Variants in GRIA1 observed in about 807,000 individuals in gnomAD.
GRIA1 encodes the protein glutamate receptor 1.
In GRIA1, 31 loss-of-function variants were observed where a neutral mutation model predicts 99.2. The observed-to-expected ratio is 0.31, with a 90% CI of 0.23 to 0.42. GRIA1 has a LOEUF of 0.42. Ranked by LOEUF, GRIA1 falls within the 10% of genes least tolerant of loss-of-function variation. The pLI, the probability that GRIA1 is intolerant of heterozygous loss-of-function variation, is 1.00. For missense variants in GRIA1, 782 were observed against 1,157.5 expected (o/e 0.68, Z 4.71); for synonymous variants, 438 against 432.4 (o/e 1.01, Z -0.16).
At chr5:153,545,937 T>C (rs1759577874) in intron 2 of GRIA1, among the ~76,000 whole-genome samples, 1 of 152,214 alleles carries the variant, frequency 6.6e-6, no homozygotes, top group Non-Finnish European at 1.5e-5. Context: ...AAATATGTCC[T>C]CATCAGTGTC....
chr5:153,602,584 T>C (rs1402645105), intron 2 of GRIA1, among the ~76,000 whole-genome samples: 1 of 152,200 alleles, frequency 6.6e-6, no homozygotes, highest in Non-Finnish European at 1.5e-5. Context: ...TAGCTTGAAT[T>C]GCTCTTAGAC....
At chr5:153,567,168 T>C (rs1403396492) in intron 2 of GRIA1, among the ~76,000 whole-genome samples, 1 of 152,254 alleles carries the variant, frequency 6.6e-6, no homozygotes, top group East Asian at 1.9e-4. Flanking sequence ...CATTCATTTA[T>C]GCCTTGAGTG....
At position 153,560,949 on chromosome 5, in the gene GRIA1, A is replaced by G. The variant is rs564787106; in HGVS notation, c.220+66884A>G. Reference sequence around the variant, plus strand: ...CTTCAGGCTGAACCTTTCTTAGCAAAGTGAGAAGGGTAGATCTGAGACAAA... The same window carrying G: ...CTTCAGGCTGAACCTTTCTTAGCAAGGTGAGAAGGGTAGATCTGAGACAAA... On this transcript the variant is annotated intron_variant, in intron 2 of 15. Transcript: ENST00000285900. 1.1e-4 allele frequency among the ~76,000 whole-genome samples: 16 copies of G among 152,336 alleles called. No homozygotes were observed. In the South Asian group the frequency reaches 3.3e-3, roughly 32 times the overall value.
intron 2 of GRIA1, among the ~76,000 whole-genome samples, chr5:153,554,422 C>G (rs6580023): frequency 0.47 from 70,985 of 152,078 alleles, 18,310 homozygotes; most frequent in Non-Finnish European, 0.59. Flanking sequence ...TGACTGTCCA[C>G]GTCCCACTCC....
intron 15 of GRIA1, among the ~76,000 whole-genome samples, chr5:153,805,464 C>T (rs569611129): frequency 9.9e-5 from 15 of 152,210 alleles, no homozygotes; most frequent in Admixed American, 5.2e-4. Flanking sequence ...CAAGTATTGC[C>T]GTCAAAACCA....
chr5:153,770,088 A>T, intron 12 of GRIA1, 80 bp from the exon 13 acceptor site: 1 of 1,395,792 alleles, frequency 7.2e-7, no homozygotes, highest in Non-Finnish European at 1.0e-6. Context: ...TGATCAAGCT[A>T]CACTCAGCTC....
intron 11 of GRIA1, among the ~76,000 whole-genome samples, chr5:153,757,724 G>A (rs1762924119): frequency 6.6e-6 from 1 of 152,112 alleles, no homozygotes. Flanking sequence ...CAGAATTGAA[G>A]GAGACATAAA....
intron 2 of GRIA1, among the ~76,000 whole-genome samples, chr5:153,535,894 C>A (rs1758522874): frequency 6.6e-6 from 1 of 152,248 alleles, no homozygotes; most frequent in South Asian, 2.1e-4. Flanking sequence ...TCCCTCTAAT[C>A]TGTCACGCTG....
chr5:153,785,378 A>T (rs1463179138), intron 13 of GRIA1, among the ~76,000 whole-genome samples: 1 of 152,196 alleles, frequency 6.6e-6, no homozygotes, highest in Admixed American at 6.5e-5. Context: ...CTAGAATCCT[A>T]GTGGTTCCCA....
At chr5:153,724,531 C>G (rs1462773943) in intron 11 of GRIA1, among the ~76,000 whole-genome samples, 8 of 152,124 alleles carry the variant, frequency 5.3e-5, no homozygotes. Flanking sequence ...ACTAGAATAA[C>G]CAATACAGAG....
chr5:153,616,031 A>G (rs1346789778), intron 2 of GRIA1, among the ~76,000 whole-genome samples: 1 of 152,156 alleles, frequency 6.6e-6, no homozygotes, highest in Non-Finnish European at 1.5e-5. Flanking sequence ...CAATGAAAGC[A>G]ACATTACCCA....
intron 2 of GRIA1, among the ~76,000 whole-genome samples, chr5:153,508,276 G>A (rs962308959): frequency 2.0e-5 from 3 of 152,174 alleles, no homozygotes; most frequent in African/African-American, 7.2e-5. Context: ...TGTCTAATAT[G>A]TAGGCACTAG....
At chr5:153,610,998 C>T (rs1581326408) in intron 2 of GRIA1, among the ~76,000 whole-genome samples, 1 of 152,086 alleles carries the variant, frequency 6.6e-6, no homozygotes, top group East Asian at 1.9e-4. Flanking sequence ...ACAGGCTGTC[C>T]AACTTTCTTA....
chr5:153,534,850 A>T (rs190061360), intron 2 of GRIA1, among the ~76,000 whole-genome samples: 40 of 152,350 alleles, frequency 2.6e-4, no homozygotes, highest in Admixed American at 2.4e-3. Flanking sequence ...AGAAAAGGGC[A>T]TATTTGAAAA....
Position 153,722,688 on chromosome 5 carries a change from C to G in GRIA1, c.1823+16621C>G, listed in dbSNP as rs143140370. 3.7e-3 allele frequency among the ~76,000 whole-genome samples: 557 copies of G among 152,216 alleles called. 4 individuals are homozygous for G. Among genetic ancestry groups the G allele is most frequent in the African/African-American group, 0.013 (536 of 41,530 alleles). On this transcript the variant is annotated intron_variant, in intron 11 of 15. Coordinates refer to ENST00000285900, the MANE Select transcript of GRIA1 (RefSeq NM_000827.4). Reference sequence around the variant, plus strand: ...TTGTCTGTCTTTGCCAGGGTATTACCTTATCTTAACTACTTAAGCTTTATA... The same window carrying G: ...TTGTCTGTCTTTGCCAGGGTATTACGTTATCTTAACTACTTAAGCTTTATA...
At chr5:153,694,356 G>A (rs149842450) in intron 8 of GRIA1, among the ~76,000 whole-genome samples, 1 of 152,008 alleles carries the variant, frequency 6.6e-6, no homozygotes, top group Non-Finnish European at 1.5e-5. Context: ...ACATAAAGAA[G>A]GGTTATATTG....
At chr5:153,574,407 T>G (rs933784895) in intron 2 of GRIA1, 2 of 152,150 alleles carry the variant, frequency 1.3e-5, no homozygotes, top group African/African-American at 4.8e-5. Flanking sequence ...GGTTTTTTGT[T>G]TTAATAATCA....
intron 2 of GRIA1, among the ~76,000 whole-genome samples, chr5:153,599,784 A>G (rs1764735710): frequency 6.6e-6 from 1 of 152,180 alleles, no homozygotes; most frequent in Non-Finnish European, 1.5e-5. Context: ...TCTATAATAT[A>G]GAGATTTATT....
chr5:153,551,384 A>G (rs537946772), intron 2 of GRIA1, among the ~76,000 whole-genome samples: 1 of 152,170 alleles, frequency 6.6e-6, no homozygotes, highest in South Asian at 2.1e-4. Flanking sequence ...GAGCAGGCCT[A>G]TGATTCCTAA....
Sources: allele counts gnomAD v4.1 joint callset (sites outside exome capture counted in the v4.1 genomes callset), GRCh38; gene constraint gnomAD v4.1.1; transcripts MANE v1.5; gene names NCBI Gene and HGNC (gene_info 2026-07-23, HGNC 2026-07-21).